Variants in TMEFF2 observed in about 807,000 individuals in gnomAD.
TMEFF2 encodes the protein tomoregulin-2.
A neutral mutation model predicts 53.8 loss-of-function variants in TMEFF2; 28 were observed. The ratio of observed to expected loss-of-function variants is 0.52; its 90% CI spans 0.39 to 0.71. The LOEUF (loss-of-function observed/expected upper bound fraction) is 0.71. TMEFF2 is among the 30% of genes least tolerant of loss of function. The pLI is 0.00. For synonymous variants in TMEFF2, 162 were observed against 166.3 expected (o/e 0.97, Z 0.20); for missense variants, 353 against 455.2 (o/e 0.78, Z 2.04).
At chr2:191,975,265 CTTTT>C (rs57057771) in intron 7 of TMEFF2, among the ~76,000 whole-genome samples, 1 of 88,362 alleles carries the variant, frequency 1.1e-5, no homozygotes, top group Non-Finnish European at 2.6e-5. Context: ...TCTTTTTCTT[CTTTT>C]TTTTTTTTTT....
chr2:192,138,111 G>A (rs550401370), intron 4 of TMEFF2, among the ~76,000 whole-genome samples: 7 of 152,116 alleles, frequency 4.6e-5, no homozygotes, highest in African/African-American at 4.8e-5. Context: ...GAGCCACTGC[G>A]CCCAGCCTCC....
chr2:192,037,638 AG>A (rs1264713063), intron 5 of TMEFF2, among the ~76,000 whole-genome samples: 10 of 19,928 alleles, frequency 5.0e-4, no homozygotes, highest in South Asian at 4.2e-3. Context: ...AGAGAAAGAG[AG>A]AGAAAGAGAG....
intron 5 of TMEFF2, among the ~76,000 whole-genome samples, chr2:192,048,361 A>AACACACACACACACACACACAC (rs3053696): frequency 7.0e-5 from 10 of 143,264 alleles, no homozygotes; most frequent in African/African-American, 2.3e-4. Flanking sequence ...ATTCTCATAA[A>AACACACACACACACACACACAC]ACACACACAC....
intron 4 of TMEFF2, among the ~76,000 whole-genome samples, chr2:192,134,914 C>A (rs949794872): frequency 6.6e-6 from 1 of 152,184 alleles, no homozygotes; most frequent in Non-Finnish European, 1.5e-5. Flanking sequence ...CTATTAAAAA[C>A]ACACCTCACC....
At chr2:192,103,398 C>T (rs1038223813) in intron 4 of TMEFF2, among the ~76,000 whole-genome samples, 8 of 152,012 alleles carry the variant, frequency 5.3e-5, no homozygotes, top group Non-Finnish European at 1.0e-4. Context: ...GGATATGGAC[C>T]TTTTAGTTTT....
At chr2:192,130,628 G>A (rs992778921) in intron 4 of TMEFF2, among the ~76,000 whole-genome samples, 1 of 150,642 alleles carries the variant, frequency 6.6e-6, no homozygotes, top group Non-Finnish European at 1.5e-5. Context: ...CCCCGCCCCT[G>A]CCCACCAGAG....
At chr2:192,191,768 C>A in intron 2 of TMEFF2, 112 bp downstream of exon 2, 1 of 695,594 alleles carries the variant, frequency 1.4e-6, no homozygotes. Context: ...TTGGTGCCAG[C>A]TTCCCTCTTA....
At chr2:192,092,797 G>A (rs1688819975) in intron 4 of TMEFF2, among the ~76,000 whole-genome samples, 1 of 152,016 alleles carries the variant, frequency 6.6e-6, no homozygotes, top group Admixed American at 6.6e-5. Context: ...GGGATGAAGG[G>A]CTATGAACCA....
At chr2:192,094,996 C>G (rs1688870790) in intron 4 of TMEFF2, among the ~76,000 whole-genome samples, 1 of 152,072 alleles carries the variant, frequency 6.6e-6, no homozygotes, top group Admixed American at 6.6e-5. Flanking sequence ...AAACTTACTG[C>G]TATTTTTAGC....
At chr2:192,190,079 C>T (rs1691425384) in intron 2 of TMEFF2, among the ~76,000 whole-genome samples, 1 of 152,082 alleles carries the variant, frequency 6.6e-6, no homozygotes, top group African/African-American at 2.4e-5. Flanking sequence ...ATGAAAAACA[C>T]AAATATTTTT....
intron 5 of TMEFF2, among the ~76,000 whole-genome samples, chr2:192,002,640 G>A (rs1237283633): frequency 1.3e-5 from 2 of 152,144 alleles, no homozygotes; most frequent in African/African-American, 4.8e-5. Flanking sequence ...GACCAGCCTG[G>A]CCGACACGGT....
At chr2:192,178,749 A>G (rs1691112882) in intron 4 of TMEFF2, 2 of 151,296 alleles carry the variant, frequency 1.3e-5, no homozygotes, top group South Asian at 4.1e-4. Flanking sequence ...TCTTTTACTT[A>G]TCTTTTATCA....
intron 4 of TMEFF2, among the ~76,000 whole-genome samples, chr2:192,125,888 G>T (rs1464965199): frequency 6.6e-6 from 1 of 152,144 alleles, no homozygotes; most frequent in Non-Finnish European, 1.5e-5. Context: ...ATGGCGGGAG[G>T]GCAAGCATCA....
At chr2:192,058,800 C>T (rs962631219) in intron 4 of TMEFF2, among the ~76,000 whole-genome samples, 3 of 152,162 alleles carry the variant, frequency 2.0e-5, no homozygotes, top group Non-Finnish European at 4.4e-5. Flanking sequence ...AAGAAGTGCA[C>T]TTCTGCAAAA....
chr2:192,088,918 T>G (rs546402333), intron 4 of TMEFF2, among the ~76,000 whole-genome samples: 47 of 152,256 alleles, frequency 3.1e-4, no homozygotes, highest in Non-Finnish European at 6.2e-4. Context: ...ATTAATCATG[T>G]TCACCCCAGT....
intron 5 of TMEFF2, among the ~76,000 whole-genome samples, chr2:192,003,460 T>C (rs1686416536): frequency 6.6e-6 from 1 of 152,214 alleles, no homozygotes; most frequent in Non-Finnish European, 1.5e-5. Flanking sequence ...TGTCTACTCT[T>C]GGAATATGTC....
At chr2:191,978,514 T>A (rs189193338) in intron 7 of TMEFF2, among the ~76,000 whole-genome samples, 2 of 152,276 alleles carry the variant, frequency 1.3e-5, no homozygotes, top group Admixed American at 1.3e-4. Flanking sequence ...GATTTCTTGC[T>A]TTCCTTTGAC....
Position 191,999,013 on chromosome 2 carries a change from C to T in TMEFF2, c.685+47G>A, listed in dbSNP as rs1686290660. 1.9e-6 allele frequency: 3 copies of T among 1,545,294 alleles called. No individual in the cohort carries two copies. In the East Asian group the frequency reaches 6.8e-5, roughly 35 times the overall value. On this transcript the variant is annotated intron_variant, in intron 6 of 9. Coordinates refer to ENST00000272771, the MANE Select transcript of TMEFF2 (RefSeq NM_016192.4). ...GTTTTCTTCACTTTTCATTTTTGCA[C>T]AAAGACTAAAATCATTCTTTGAAAT...
chr2:192,034,143 C>T (rs899441015), intron 5 of TMEFF2, among the ~76,000 whole-genome samples: 1 of 147,504 alleles, frequency 6.8e-6, no homozygotes, highest in African/African-American at 2.5e-5. Context: ...CCACTGCACT[C>T]CAGCCTGGGT....
Sources: allele counts gnomAD v4.1 joint callset (sites outside exome capture counted in the v4.1 genomes callset), GRCh38; gene constraint gnomAD v4.1.1; transcripts MANE v1.5; gene names NCBI Gene and HGNC (gene_info 2026-07-23, HGNC 2026-07-21).